The following GRIA4 variants were observed in gnomAD, a reference collection of about 807,000 sequenced individuals.
GRIA4 encodes glutamate ionotropic receptor AMPA type subunit 4, also known as glutamate receptor 4.
Under a neutral mutation model 104.0 loss-of-function variants are expected in GRIA4, and 34 were observed. The observed-to-expected ratio is 0.33, with a 90% CI of 0.25 to 0.44. The LOEUF (loss-of-function observed/expected upper bound fraction) is 0.44, where lower values mean the gene tolerates loss of function less well. GRIA4 is among the 20% of genes least tolerant of loss of function. The pLI, the probability that GRIA4 is intolerant of heterozygous loss-of-function variation, is 1.00. For synonymous variants in GRIA4, 386 were observed against 381.9 expected (o/e 1.01, Z -0.13); for missense variants, 750 against 1,096.5 (o/e 0.68, Z 4.46).
intron 3 of GRIA4, among the ~76,000 whole-genome samples, chr11:105,648,182 G>A (rs1951584115): frequency 6.6e-6 from 1 of 151,728 alleles, no homozygotes; most frequent in African/African-American, 2.4e-5. Context: ...TGTGGAGAGT[G>A]GAAGTCGATA....
chr11:105,628,044 T>C (rs549680196), intron 3 of GRIA4, among the ~76,000 whole-genome samples: 1 of 151,992 alleles, frequency 6.6e-6, no homozygotes, highest in Non-Finnish European at 1.5e-5. Context: ...AAGATTAAAA[T>C]AATAATTAGT....
chr11:105,817,684 A>T (rs1215649636), intron 4 of GRIA4, among the ~76,000 whole-genome samples: 1 of 152,100 alleles, frequency 6.6e-6, no homozygotes, highest in Non-Finnish European at 1.5e-5. Flanking sequence ...TTCTTGTAAG[A>T]TTTATATTTT....
intron 3 of GRIA4, among the ~76,000 whole-genome samples, chr11:105,695,225 C>T (rs12790329): frequency 0.45 from 69,082 of 151,928 alleles, 15,826 homozygotes; most frequent in East Asian, 0.57. Flanking sequence ...TACTTGGCCT[C>T]TCAGGTTTGT....
chr11:105,877,233 A>AC (rs1945861378), intron 5 of GRIA4, among the ~76,000 whole-genome samples: 1 of 151,892 alleles, frequency 6.6e-6, no homozygotes, highest in Admixed American at 6.6e-5. Context: ...TTGAATATTG[A>AC]CCCCCACTCT....
rs10895862 is a variant in GRIA4 at position 105,695,460 on chromosome 11, C to G, written c.248-57521C>G. ...TGTATGCGTGCGTGTGTGTGTGTGT[C>G]TGTGTGTGTGTGTGTGTCTGTGTGT... On this transcript the variant is annotated intron_variant, in intron 3 of 16. Coordinates refer to ENST00000282499, the MANE Select transcript of GRIA4 (RefSeq NM_000829.4). Among the ~76,000 whole-genome samples, 164 of 124,754 alleles carry G rather than the reference C, an allele frequency of 1.3e-3. 5 individuals are homozygous for G. In the South Asian group the frequency reaches 0.044, roughly 34 times the overall value. 81.8% of individuals were successfully genotyped at this position (124,754 alleles called of 152,430 possible).
chr11:105,944,373 T>A (rs1948254367), intron 14 of GRIA4, among the ~76,000 whole-genome samples: 1 of 152,134 alleles, frequency 6.6e-6, no homozygotes, highest in South Asian at 2.1e-4. Flanking sequence ...GGGTTCAGGC[T>A]CATTCTTGGT....
At chr11:105,844,965 C>G (rs1944530981) in intron 4 of GRIA4, among the ~76,000 whole-genome samples, 1 of 152,214 alleles carries the variant, frequency 6.6e-6, no homozygotes, top group South Asian at 2.1e-4. Flanking sequence ...TGTGTTCAGG[C>G]TCTGCTTAGT....
intron 7 of GRIA4, 116 bp from the exon 8 acceptor site, chr11:105,903,697 TA>T (rs1946944593): frequency 1.5e-6 from 1 of 676,576 alleles, no homozygotes; most frequent in Non-Finnish European, 2.6e-6. Flanking sequence ...ATCAGTAATT[TA>T]ACCATCCTTC....
At chr11:105,929,520 T>A (rs1158797585) in intron 13 of GRIA4, among the ~76,000 whole-genome samples, 1 of 152,192 alleles carries the variant, frequency 6.6e-6, no homozygotes, top group African/African-American at 2.4e-5. Flanking sequence ...CCAGCCTCGC[T>A]GTTTTGGTAC....
At chr11:105,950,508 T>G (rs1308664943) in intron 14 of GRIA4, among the ~76,000 whole-genome samples, 1 of 150,136 alleles carries the variant, frequency 6.7e-6, no homozygotes, top group African/African-American at 2.5e-5. Flanking sequence ...ATTACATGTC[T>G]CAAAAGATTA....
chr11:105,651,456 G>A (rs1377798980), intron 3 of GRIA4, among the ~76,000 whole-genome samples: 2 of 152,070 alleles, frequency 1.3e-5, no homozygotes, highest in African/African-American at 2.4e-5. Flanking sequence ...ACGGACACGG[G>A]AATCTCTCTC....
At chr11:105,866,551 G>GTGTGTATATATATATATA (rs1299256765) in intron 5 of GRIA4, among the ~76,000 whole-genome samples, 3 of 76,712 alleles carry the variant, frequency 3.9e-5, no homozygotes, top group Admixed American at 1.5e-4. Context: ...GTGTGTGTGT[G>GTGTGTATATATATATATA]TATATATATA....
chr11:105,889,302 T>G (rs183236854), intron 6 of GRIA4, among the ~76,000 whole-genome samples: 84 of 152,286 alleles, frequency 5.5e-4, no homozygotes, highest in African/African-American at 1.9e-3. Flanking sequence ...ACCATTTTTG[T>G]TTGCAGTAGG....
intron 3 of GRIA4, among the ~76,000 whole-genome samples, chr11:105,694,930 C>CCATT (rs1160097479): frequency 6.6e-6 from 1 of 152,126 alleles, no homozygotes; most frequent in Non-Finnish European, 1.5e-5. Flanking sequence ...ATAACAGCTA[C>CCATT]CATTGACTGA....
At chr11:105,917,157 G>A (rs1329137353) in intron 10 of GRIA4, among the ~76,000 whole-genome samples, 1 of 152,094 alleles carries the variant, frequency 6.6e-6, no homozygotes, top group Non-Finnish European at 1.5e-5. Flanking sequence ...ATCTAAAGAA[G>A]AGGCAATTGG....
In GRIA4 at chr11:105,979,810, C is replaced by A; in HGVS notation, c.*71C>A. The A allele has an allele frequency of 8.6e-7, 1 of 1,160,632 alleles. No homozygotes were observed. The allele number at this position is 1,160,632 out of a possible 1,614,324, so 71.9% of individuals were successfully genotyped here. A position where few individuals can be genotyped will look rare whatever the true frequency, so the allele number is the denominator to read the frequency against. ...GGTGGAAACGCAGCCCTGAGGGACA[C>A]GCCACGCGCGGGTCTTTGCTAAACC... On this transcript the variant is annotated 3_prime_UTR_variant, in exon 17 of 17. Coordinates refer to ENST00000282499, the MANE Select transcript of GRIA4 (RefSeq NM_000829.4).
intron 3 of GRIA4, among the ~76,000 whole-genome samples, chr11:105,668,420 T>C (rs1952246159): frequency 6.6e-6 from 1 of 150,718 alleles, no homozygotes. Context: ...TGGATTGTTT[T>C]CATGTCTTGG....
At chr11:105,712,999 A>G (rs2135553333) in intron 3 of GRIA4, among the ~76,000 whole-genome samples, 1 of 152,312 alleles carries the variant, frequency 6.6e-6, no homozygotes, top group East Asian at 1.9e-4. Context: ...ATGGAGATAT[A>G]AAAATCTGCA....
chr11:105,980,562 G>A lies in GRIA4; in HGVS notation c.*823G>A, dbSNP rs1228241630. Reference sequence around the variant, plus strand: ...GGAAGAAAAGCAAAAGGAAGAAAACGTTTAGGTTCAATCATCAGTCTGCGG... The same window carrying A: ...GGAAGAAAAGCAAAAGGAAGAAAACATTTAGGTTCAATCATCAGTCTGCGG... On this transcript the variant is annotated 3_prime_UTR_variant, in exon 17 of 17. Coordinates refer to ENST00000282499, the MANE Select transcript of GRIA4 (RefSeq NM_000829.4). 2.0e-5 allele frequency: 3 copies of A among 152,558 alleles called. No individual in the cohort carries two copies. The highest frequency in any genetic ancestry group is 2.4e-5 in the African/African-American group (1 of 41,416). The allele number at this position is 152,558 out of a possible 1,614,324, so 9.5% of individuals were successfully genotyped here. A position where few individuals can be genotyped will look rare whatever the true frequency, so the allele number is the denominator to read the frequency against.
Sources: gnomAD v4.1 joint callset for allele counts (sites outside exome capture counted in the v4.1 genomes callset) on GRCh38, gnomAD v4.1.1 for gene constraint, MANE v1.5 for transcripts, NCBI Gene and HGNC (gene_info 2026-07-23, HGNC 2026-07-21) for gene names.